Variants in PACRG observed in about 807,000 individuals in gnomAD.
PACRG encodes the protein parkin coregulated gene protein.
PACRG carries 29 observed loss-of-function variants against 29.7 expected under a neutral mutation model. That is an observed-to-expected ratio of 0.98 (90% CI 0.73 to 1.33). The LOEUF is 1.33. Ranked by LOEUF, PACRG falls within the 40% of genes most tolerant of loss-of-function variation. The pLI is 0.00. For synonymous variants in PACRG, 116 were observed against 118.7 expected (o/e 0.98, Z 0.15); for missense variants, 279 against 316.2 (o/e 0.88, Z 0.89).
chr6:163,212,780 A>G (rs981428725), intron 4 of PACRG, among the ~76,000 whole-genome samples: 1 of 141,834 alleles, frequency 7.1e-6, no homozygotes, highest in Non-Finnish European at 1.5e-5. Context: ...GGAAACTGAT[A>G]ATCTTTTTTT....
At chr6:162,738,371 A>G (rs1175642102) in intron 1 of PACRG, among the ~76,000 whole-genome samples, 4 of 152,248 alleles carry the variant, frequency 2.6e-5, no homozygotes, top group South Asian at 2.1e-4. Flanking sequence ...GAATGCTATC[A>G]GTGTACGTAA....
At chr6:162,881,964 G>C (rs1349940268) in intron 2 of PACRG, among the ~76,000 whole-genome samples, 4 of 131,346 alleles carry the variant, frequency 3.0e-5, no homozygotes, top group East Asian at 2.6e-4. Context: ...AGATGGGTGG[G>C]GGGGGGCACT....
At chr6:162,954,382 A>T (rs1390683978) in intron 2 of PACRG, among the ~76,000 whole-genome samples, 1 of 151,856 alleles carries the variant, frequency 6.6e-6, no homozygotes, top group South Asian at 2.1e-4. Flanking sequence ...GTTTGTCTTT[A>T]GCTTCCCTCA....
chr6:162,745,228 T>A (rs1236929226), intron 1 of PACRG, among the ~76,000 whole-genome samples: 1 of 152,174 alleles, frequency 6.6e-6, no homozygotes, highest in Admixed American at 6.5e-5. Flanking sequence ...GATTGTATCC[T>A]TTGCAAGGAC....
intron 3 of PACRG, among the ~76,000 whole-genome samples, chr6:163,067,588 T>TA (rs1332958568): frequency 6.6e-6 from 1 of 152,086 alleles, no homozygotes; most frequent in Non-Finnish European, 1.5e-5. Flanking sequence ...AGGTAACTTG[T>TA]AAAAAAATAG....
In PACRG at chr6:162,885,770, A is replaced by ATG. The variant is rs556344178; in HGVS notation, c.291+71507_291+71508dup. Among the ~76,000 whole-genome samples, 655 of 129,460 alleles carry ATG rather than the reference A, an allele frequency of 5.1e-3. 3 individuals carry two copies. Among genetic ancestry groups the ATG allele is most frequent in the South Asian group, 0.017 (65 of 3,854 alleles). The allele number at this position is 129,460 out of a possible 152,430, so 84.9% of individuals were successfully genotyped here. ...TGTGTGTGTGTGCGTGCACACGTGC[A>ATG]TGTGTGTGTGTGTGTGTGTATATAT... On this transcript the variant is annotated intron_variant, in intron 2 of 4. Coordinates refer to ENST00000366888, the MANE Select transcript of PACRG (RefSeq NM_001080379.2).
chr6:163,131,656 G>T (rs1412923186), intron 4 of PACRG, among the ~76,000 whole-genome samples: 1 of 88,968 alleles, frequency 1.1e-5, no homozygotes, highest in East Asian at 1.9e-4. Context: ...AAACTAACAT[G>T]GCAGCTGTTG....
intron 1 of PACRG, among the ~76,000 whole-genome samples, chr6:162,794,681 A>T (rs1026650627): frequency 3.9e-5 from 6 of 152,218 alleles, no homozygotes; most frequent in Non-Finnish European, 1.5e-5. Flanking sequence ...CGCACCATAT[A>T]TCGAAAACTA....
chr6:162,768,465 C>T (rs1025372442), intron 1 of PACRG, among the ~76,000 whole-genome samples: 8 of 151,936 alleles, frequency 5.3e-5, no homozygotes, highest in Non-Finnish European at 7.4e-5. Flanking sequence ...ACATTAGAAA[C>T]ATTATTTATT....
At chr6:162,883,556 A>G (rs1182705324) in intron 2 of PACRG, among the ~76,000 whole-genome samples, 1 of 152,090 alleles carries the variant, frequency 6.6e-6, no homozygotes, top group Non-Finnish European at 1.5e-5. Context: ...CCTCTTTTTA[A>G]TCACATCTTT....
At chr6:163,107,750 C>T (rs1291520585) in intron 4 of PACRG, among the ~76,000 whole-genome samples, 2 of 152,106 alleles carry the variant, frequency 1.3e-5, no homozygotes, top group African/African-American at 4.8e-5. Flanking sequence ...CAGACCTTTT[C>T]TTTGTTGGAT....
At chr6:162,956,796 A>C (rs1800076515) in intron 2 of PACRG, among the ~76,000 whole-genome samples, 1 of 152,160 alleles carries the variant, frequency 6.6e-6, no homozygotes, top group South Asian at 2.1e-4. Flanking sequence ...ACCTCCAGTC[A>C]ACTTGACTAC....
chr6:163,166,346 G>C (rs144461971), intron 4 of PACRG: 1 of 389,452 alleles, frequency 2.6e-6, no homozygotes, highest in African/African-American at 2.1e-5. Context: ...TTGTTAATTG[G>C]TATATTGATA....
At chr6:162,966,712 G>A (rs538071201) in intron 2 of PACRG, among the ~76,000 whole-genome samples, 20 of 152,072 alleles carry the variant, frequency 1.3e-4, no homozygotes, top group South Asian at 1.0e-3. Context: ...TCCTGACCTC[G>A]TGATCCACCC....
chr6:163,026,485 G>C, intron 2 of PACRG, among the ~76,000 whole-genome samples: 1 of 152,306 alleles, frequency 6.6e-6, no homozygotes, highest in East Asian at 1.9e-4. Context: ...ATGCATAATA[G>C]CTAGATGTAT....
At chr6:163,150,488 C>G (rs997070490) in intron 4 of PACRG, among the ~76,000 whole-genome samples, 3 of 152,224 alleles carry the variant, frequency 2.0e-5, no homozygotes, top group African/African-American at 4.8e-5. Flanking sequence ...CGTCTCCATG[C>G]CCCAAGGAAG....
intron 1 of PACRG, among the ~76,000 whole-genome samples, chr6:162,735,993 T>C (rs1452156063): frequency 6.6e-6 from 1 of 152,206 alleles, no homozygotes; most frequent in Non-Finnish European, 1.5e-5. Context: ...TAAGAGTCAG[T>C]ATATTTATCA....
intron 1 of PACRG, among the ~76,000 whole-genome samples, chr6:162,800,874 G>A (rs571365910): frequency 4.6e-5 from 7 of 152,268 alleles, no homozygotes; most frequent in African/African-American, 1.4e-4. Flanking sequence ...AACATGTTAA[G>A]TTAGAAAGGT....
chr6:163,171,578 G>A (rs1018499904), intron 4 of PACRG, among the ~76,000 whole-genome samples: 9 of 152,188 alleles, frequency 5.9e-5, no homozygotes, highest in South Asian at 2.1e-4. Flanking sequence ...ATCCTAGCAC[G>A]ATTATAGCTC....
Sources: allele counts gnomAD v4.1 joint callset (sites outside exome capture counted in the v4.1 genomes callset), GRCh38; gene constraint gnomAD v4.1.1; transcripts MANE v1.5; gene names NCBI Gene and HGNC (gene_info 2026-07-23, HGNC 2026-07-21).